Variants in TUBG2 observed in about 807,000 individuals in gnomAD.
TUBG2 encodes the protein tubulin gamma 2.
In TUBG2, 39 loss-of-function variants were observed where a neutral mutation model predicts 55.1. That is an observed-to-expected ratio of 0.71 (90% CI 0.55 to 0.93). The LOEUF is 0.93. TUBG2 is among the 40% of genes least tolerant of loss of function. TUBG2 has a pLI of 0.00. For synonymous variants in TUBG2, 223 were observed against 241.0 expected, an observed-to-expected ratio of 0.93 and a Z score of 0.69; for missense variants, 358 against 599.1, an observed-to-expected ratio of 0.60 and a Z score of 4.20.
intron 3 of TUBG2, 28 bp from the exon 4 acceptor site, chr17:42,660,611 G>T: frequency 6.2e-7 from 1 of 1,605,138 alleles, no homozygotes; most frequent in South Asian, 1.1e-5. Context: ...CCTTTGGCCT[G>T]ACCCTCCCTT....
chr17:42,665,956 C>T, intron 8 of TUBG2, 129 bp downstream of exon 8: 1 of 1,587,588 alleles, frequency 6.3e-7, no homozygotes, highest in Non-Finnish European at 8.6e-7. Flanking sequence ...CGCTCAGGGA[C>T]TGGCACAGAG....
chr17:42,666,541 A>G (rs2052550902), intron 10 of TUBG2, 57 bp downstream of exon 10: 2 of 1,613,398 alleles, frequency 1.2e-6, no homozygotes, highest in East Asian at 2.2e-5. Context: ...CACCTTCATC[A>G]TCTTCCCCAA....
chr17:42,665,953 G>A (rs2052526763), intron 8 of TUBG2, 126 bp downstream of exon 8: 2 of 1,585,644 alleles, frequency 1.3e-6, no homozygotes, highest in Non-Finnish European at 1.7e-6. Flanking sequence ...CTGCGCTCAG[G>A]GACTGGCACA....
chr17:42,664,958 C>T lies in TUBG2; in HGVS notation c.607-518C>T, dbSNP rs553937317. ...CAGGCTGGTGTCCAACTCCTGGCCTCGAGTGGTCCTCCCACCTTGGCCTTG... is the reference window on the plus strand; with the variant it reads ...CAGGCTGGTGTCCAACTCCTGGCCTTGAGTGGTCCTCCCACCTTGGCCTTG... On this transcript the variant is annotated intron_variant, in intron 6 of 10. Coordinates refer to ENST00000251412, the MANE Select transcript of TUBG2 (RefSeq NM_016437.3). Among the ~76,000 whole-genome samples, 17 of 150,060 alleles carry T rather than the reference C, an allele frequency of 1.1e-4. No homozygotes were observed. The East Asian group carries it at 2.5e-3, about 22-fold the overall frequency.
At chr17:42,662,678 T>G (rs1483011315) in intron 4 of TUBG2, among the ~76,000 whole-genome samples, 1 of 151,946 alleles carries the variant, frequency 6.6e-6, no homozygotes, top group Non-Finnish European at 1.5e-5. Flanking sequence ...CATCATGAAG[T>G]TGAAAAATTG....
At chr17:42,660,577 G>A in intron 3 of TUBG2, 62 bp from the exon 4 acceptor site, 1 of 1,494,050 alleles carries the variant, frequency 6.7e-7, no homozygotes, top group Non-Finnish European at 9.3e-7. Flanking sequence ...TTGGTGCTGT[G>A]CTGAGAAAAG....
chr17:42,666,181 C>T lies in TUBG2; in HGVS notation c.938C>T (p.Thr313Ile). ...GTGTCCACAGGCCGAGACCGCCAGA[C>T]CAACCACTGCTACATCGCCATCCTC... ...VMVSTGRDRQ[T>I]NHCYIAILNI... Residue 313 changes from threonine to isoleucine, a missense_variant, in exon 9 of 11, where the codon ACC (threonine) becomes ATC (isoleucine). By Grantham distance (89) the Thr-to-Ile change is moderately conservative. Around this residue, in one of 8 missense-constraint regions of TUBG2, gnomAD observed 129 missense variants for 251.6 expected, o/e 0.51. Coordinates refer to ENST00000251412, the MANE Select transcript of TUBG2 (RefSeq NM_016437.3). The T allele has an allele frequency of 6.2e-7, 1 of 1,613,956 alleles. No individual in the cohort carries two copies. Among genetic ancestry groups the T allele is most frequent in the Non-Finnish European group, 8.5e-7 (1 of 1,179,860 alleles).
At position 42,659,412 on chromosome 17, in the gene TUBG2, G is replaced by T; in HGVS notation, c.-92G>T. On this transcript the variant is annotated 5_prime_UTR_variant, in exon 1 of 11. Coordinates refer to ENST00000251412, the MANE Select transcript of TUBG2 (RefSeq NM_016437.3). ...GCGTCAAGAGGCGAAGAGAGCGCGC[G>T]CTCCCCACGTCCTGCGCTCCTGGCT... The T allele has an allele frequency of 1.5e-6, 2 of 1,340,676 alleles. No individual in the cohort carries two copies. The highest frequency in any genetic ancestry group is 2.5e-5 in the Admixed American group (1 of 39,930). The allele number at this position is 1,340,676 out of a possible 1,614,324, so 83.0% of individuals were successfully genotyped here. A position where few individuals can be genotyped will look rare whatever the true frequency, so the allele number is the denominator to read the frequency against.
In TUBG2 at chr17:42,659,438, G is replaced by A; in HGVS notation, c.-66G>A. On this transcript the variant is annotated 5_prime_UTR_variant, in exon 1 of 11. Transcript: ENST00000251412. ...CTCCCCACGTCCTGCGCTCCTGGCT[G>A]CCGGGCATTCGTCTCAGCCGTGACT... is the stretch of plus-strand genomic sequence containing the variant. The A allele has an allele frequency of 1.3e-6, 2 of 1,503,122 alleles. No individual in the cohort carries two copies. The highest frequency in any genetic ancestry group is 1.8e-6 in the Non-Finnish European group (2 of 1,118,496). The allele number at this position is 1,503,122 out of a possible 1,614,324, so 93.1% of individuals were successfully genotyped here.
rs371231864 is a variant in TUBG2 at position 42,665,844 on chromosome 17, G to A, written c.843+17G>A. The A allele has an allele frequency of 2.5e-6, 4 of 1,614,012 alleles. No individual in the cohort carries two copies. In the African/African-American group the frequency reaches 5.3e-5, roughly 22 times the overall value. ...GACCAGTCAGTAAGAGCAGCCTTCA[G>A]TGTCCCAGGCCAGGCTGGCCCTGGG... is the stretch of plus-strand genomic sequence containing the variant. On this transcript the variant is annotated intron_variant, in intron 8 of 10. Transcript: ENST00000251412.
chr17:42,665,283 G>A (rs2052499082), intron 6 of TUBG2, among the ~76,000 whole-genome samples, 193 bp from the exon 7 acceptor site: 1 of 152,036 alleles, frequency 6.6e-6, no homozygotes, highest in African/African-American at 2.4e-5. Flanking sequence ...TCCTGACCTT[G>A]TGATCCGCCC....
chr17:42,664,138 T>C (rs1227982036), intron 6 of TUBG2, among the ~76,000 whole-genome samples: 3 of 151,854 alleles, frequency 2.0e-5, no homozygotes, highest in Non-Finnish European at 4.4e-5. Context: ...TAGCCGGGCA[T>C]GGTGGCATGT....
chr17:42,660,326 C>A lies in TUBG2; in HGVS notation c.330+10C>A. The A allele has an allele frequency of 6.2e-7, 1 of 1,614,204 alleles. No individual in the cohort carries two copies. On this transcript the variant is annotated intron_variant, in intron 3 of 10. Coordinates refer to ENST00000251412, the MANE Select transcript of TUBG2 (RefSeq NM_016437.3). ...CAGCGGATTCTCCCAGGTGTCCTAG[C>A]GACCATTCCAGAGACCTTTGATATT...
At chr17:42,660,829 G>A (rs1174476688) in intron 4 of TUBG2, 122 bp downstream of exon 4, 1 of 765,748 alleles carries the variant, frequency 1.3e-6, no homozygotes, top group East Asian at 2.7e-5. Context: ...CGTTTATGGA[G>A]CATCAGATGT....
chr17:42,661,634 G>C (rs1400006648), intron 4 of TUBG2, among the ~76,000 whole-genome samples: 2 of 152,258 alleles, frequency 1.3e-5, no homozygotes, highest in Non-Finnish European at 2.9e-5. Flanking sequence ...CCAGGAGGGT[G>C]CAAACCCAAC....
chr17:42,662,318 A>C (rs1367981457), intron 4 of TUBG2, among the ~76,000 whole-genome samples: 1 of 151,958 alleles, frequency 6.6e-6, no homozygotes, highest in African/African-American at 2.4e-5. Context: ...ACCAAAACAA[A>C]TTTGAGGACA....
chr17:42,659,597 T>A, intron 1 of TUBG2, 45 bp downstream of exon 1: 2 of 1,528,470 alleles, frequency 1.3e-6, no homozygotes, highest in Non-Finnish European at 8.8e-7. Flanking sequence ...GTTCTGCCCC[T>A]TCGGGTCCCA....
chr17:42,666,265 C>T (rs201331529), intron 9 of TUBG2, 26 bp downstream of exon 9: 97 of 1,613,982 alleles, frequency 6.0e-5, no homozygotes, highest in Non-Finnish European at 7.9e-5. Context: ...TCATCCCGCG[C>T]CCTGGACCTG....
Position 42,660,662 on chromosome 17 carries a change from C to A in TUBG2, c.354C>A (p.Ile118=), listed in dbSNP as rs775326662. The stretch of plus-strand genomic sequence containing the variant: ...AGGGTGAGAAAATTCATGAAGACAT[C>A]TTTGACATCATAGACCGAGAAGCAG... The part of the protein sequence containing the change: ...FSQGEKIHED[I]FDIIDREADG... The change falls in exon 4 of 11, where the codon ATC becomes ATA. Residue 118 remains isoleucine, a synonymous_variant. Coordinates refer to ENST00000251412, the MANE Select transcript of TUBG2 (RefSeq NM_016437.3). The A allele has an allele frequency of 1.2e-6, 2 of 1,614,082 alleles. No homozygotes were observed. Among genetic ancestry groups the A allele is most frequent in the African/African-American group, 1.3e-5 (1 of 75,000 alleles).
Sources: gnomAD v4.1 joint callset for allele counts (sites outside exome capture counted in the v4.1 genomes callset) on GRCh38, gnomAD v4.1.1 for gene constraint, gnomAD v4.1.1 regional missense constraint, MANE v1.5 for transcripts, NCBI Gene and HGNC (gene_info 2026-07-23, HGNC 2026-07-21) for gene names.